The following LMBRD1 variants were observed in gnomAD, a reference collection of about 807,000 sequenced individuals.
The protein encoded by LMBRD1 is LMBR1 domain containing 1.
Under a neutral mutation model 74.8 loss-of-function variants are expected in LMBRD1, and 64 were observed. The ratio of observed to expected loss-of-function variants is 0.86; its 90% confidence interval spans 0.70 to 1.05. The LOEUF is 1.05. Ranked by LOEUF, LMBRD1 falls within the 50% of genes least tolerant of loss-of-function variation. The pLI, the probability that LMBRD1 is intolerant of heterozygous loss-of-function variation, is 0.00. For missense variants in LMBRD1, 652 were observed against 645.9 expected (o/e 1.01, Z -0.10); for synonymous variants, 204 against 216.3 (o/e 0.94, Z 0.50).
In LMBRD1 at chr6:69,797,009, G is replaced by GTGGT; in HGVS notation, c.-129_-128insACCA. On this transcript the variant is annotated 5_prime_UTR_variant, in exon 1 of 16. Coordinates refer to ENST00000649934, the MANE Select transcript of LMBRD1 (RefSeq NM_018368.4). ...TAAAGGGGCGGAGGGGGAGGAGCAA[G>GTGGT]TGGTTGCCAAGGAGACTGGACCCAC... 1 of 820,252 alleles carries GTGGT rather than the reference G, an allele frequency of 1.2e-6. No individual in the cohort carries two copies. Among genetic ancestry groups the GTGGT allele is most frequent in the Non-Finnish European group, 2.0e-6 (1 of 503,832 alleles). 50.8% of individuals were successfully genotyped at this position (820,252 alleles called of 1,614,324 possible). A position where few individuals can be genotyped will look rare whatever the true frequency, so the allele number is the denominator to read the frequency against.
At chr6:69,718,932 A>G (rs758966133) in intron 8 of LMBRD1, 24 bp downstream of exon 8, 1 of 1,612,240 alleles carries the variant, frequency 6.2e-7, no homozygotes, top group Non-Finnish European at 8.5e-7. Context: ...TATGCTTCCC[A>G]ATTACACCAA....
chr6:69,761,330 A>T (rs2098805757), intron 3 of LMBRD1, among the ~76,000 whole-genome samples: 1 of 152,204 alleles, frequency 6.6e-6, no homozygotes, highest in South Asian at 2.1e-4. Context: ...ACAAAAAAAA[A>T]ATTGTTAAAT....
chr6:69,765,206 C>T (rs925015083), intron 3 of LMBRD1, among the ~76,000 whole-genome samples: 1 of 152,100 alleles, frequency 6.6e-6, no homozygotes, highest in African/African-American at 2.4e-5. Context: ...GCTGGGATTA[C>T]AGGAGTGAGC....
At chr6:69,780,636 A>C in intron 2 of LMBRD1, 82 bp from the exon 3 acceptor site, 6 of 1,003,056 alleles carry the variant, frequency 6.0e-6, no homozygotes, top group Non-Finnish European at 9.4e-6. Context: ...ATACGACTGA[A>C]TATCACTTCC....
At chr6:69,787,343 G>A (rs72910896) in intron 2 of LMBRD1, among the ~76,000 whole-genome samples, 2,342 of 152,054 alleles carry the variant, frequency 0.015, 23 homozygotes, top group Non-Finnish European at 0.023. Context: ...AATGAGAAGG[G>A]AAAATACAGA....
intron 3 of LMBRD1, among the ~76,000 whole-genome samples, chr6:69,759,278 C>T (rs767991675): frequency 4.6e-5 from 7 of 151,796 alleles, no homozygotes; most frequent in African/African-American, 1.2e-4. Flanking sequence ...CTCACTGGTC[C>T]CTGGCATTCT....
At chr6:69,765,159 G>A (rs543546105) in intron 3 of LMBRD1, among the ~76,000 whole-genome samples, 1 of 152,126 alleles carries the variant, frequency 6.6e-6, no homozygotes, top group African/African-American at 2.4e-5. Context: ...TTGAACTCCT[G>A]ACCTCAAGTG....
At chr6:69,788,403 T>C (rs1422109583) in intron 2 of LMBRD1, among the ~76,000 whole-genome samples, 1 of 152,150 alleles carries the variant, frequency 6.6e-6, no homozygotes, top group Non-Finnish European at 1.5e-5. Context: ...TTATGTACTG[T>C]ACATTTGGAA....
At chr6:69,733,083 T>C (rs1369035019) in intron 7 of LMBRD1, among the ~76,000 whole-genome samples, 1 of 151,876 alleles carries the variant, frequency 6.6e-6, no homozygotes, top group Non-Finnish European at 1.5e-5. Context: ...TAAACAATAA[T>C]ACATAACTAA....
intron 9 of LMBRD1, chr6:69,705,879 T>C: frequency 1.5e-6 from 2 of 1,348,340 alleles, no homozygotes. Flanking sequence ...CTGGTGGTGT[T>C]ATTTCAAAGC....
intron 1 of LMBRD1, among the ~76,000 whole-genome samples, chr6:69,795,008 A>C (rs1766181758): frequency 6.6e-6 from 1 of 152,222 alleles, no homozygotes; most frequent in South Asian, 2.1e-4. Context: ...TAGTGTCAAA[A>C]AACATCCACA....
intron 14 of LMBRD1, among the ~76,000 whole-genome samples, chr6:69,696,735 T>C (rs1766009284): frequency 6.6e-6 from 1 of 152,180 alleles, no homozygotes; most frequent in South Asian, 2.1e-4. Context: ...TCCTCTGGCC[T>C]ATCCCTGTAC....
chr6:69,788,463 T>C (rs183978352), intron 2 of LMBRD1, among the ~76,000 whole-genome samples: 44 of 152,224 alleles, frequency 2.9e-4, no homozygotes, highest in African/African-American at 1.1e-3. Context: ...ATTCTGAAAA[T>C]GTCAAAATCT....
intron 3 of LMBRD1, among the ~76,000 whole-genome samples, chr6:69,778,320 T>TA (rs1765748599): frequency 6.6e-6 from 1 of 152,222 alleles, no homozygotes; most frequent in Admixed American, 6.5e-5. Flanking sequence ...CACAGGCATT[T>TA]AAAATGATAC....
chr6:69,764,262 C>T (rs1462666929), intron 3 of LMBRD1, among the ~76,000 whole-genome samples: 1 of 151,988 alleles, frequency 6.6e-6, no homozygotes, highest in East Asian at 1.9e-4. Context: ...ATGTTAGGGC[C>T]CCTGTGATGG....
intron 7 of LMBRD1, among the ~76,000 whole-genome samples, chr6:69,737,151 G>A (rs1396838533): frequency 2.0e-5 from 3 of 152,016 alleles, no homozygotes; most frequent in African/African-American, 4.8e-5. Flanking sequence ...ACCCAAAAAT[G>A]TTTCCTTTGT....
intron 2 of LMBRD1, 102 bp downstream of exon 2, chr6:69,790,192 TCA>T: frequency 2.6e-6 from 2 of 783,736 alleles, no homozygotes; most frequent in East Asian, 5.4e-5. Context: ...ATTTCCATTC[TCA>T]TTCATTCCCA....
intron 9 of LMBRD1, among the ~76,000 whole-genome samples, chr6:69,705,098 G>A (rs1766223911): frequency 6.6e-6 from 1 of 152,004 alleles, no homozygotes; most frequent in Non-Finnish European, 1.5e-5. Flanking sequence ...AGCAAAGGGT[G>A]GAGTTCCGTC....
chr6:69,720,182 T>A (rs771790164), intron 7 of LMBRD1, among the ~76,000 whole-genome samples: 53 of 152,158 alleles, frequency 3.5e-4, no homozygotes, highest in Non-Finnish European at 5.4e-4. Flanking sequence ...GCTTTTTTTT[T>A]AATTAAGGGA....
Sources: allele counts gnomAD v4.1 joint callset (sites outside exome capture counted in the v4.1 genomes callset), GRCh38; gene constraint gnomAD v4.1.1; transcripts MANE v1.5; gene names NCBI Gene and HGNC (gene_info 2026-07-23, HGNC 2026-07-21).